TACR1: variants seen among roughly 807,000 people sequenced by gnomAD.
The protein encoded by TACR1 is tachykinin receptor 1.
TACR1 carries 25 observed loss-of-function variants against 35.8 expected under a neutral mutation model. That is an observed-to-expected ratio of 0.70 (90% CI 0.51 to 0.98). The LOEUF is 0.98. Among genes scored for constraint, TACR1 ranks in the 50% least tolerant of loss-of-function variants. The pLI, the probability that TACR1 is intolerant of heterozygous loss-of-function variation, is 0.00. For synonymous variants in TACR1, 195 were observed against 206.7 expected (o/e 0.94, Z 0.48); for missense variants, 478 against 522.9 (o/e 0.91, Z 0.84).
intron 2 of TACR1, among the ~76,000 whole-genome samples, chr2:75,083,376 T>C (rs1481005106): frequency 6.6e-6 from 1 of 152,204 alleles, no homozygotes; most frequent in Non-Finnish European, 1.5e-5. Flanking sequence ...TCCAGCTTTG[T>C]TCTTTTGGCT....
At chr2:75,182,935 T>C (rs913122537) in intron 1 of TACR1, among the ~76,000 whole-genome samples, 8 of 152,342 alleles carry the variant, frequency 5.3e-5, no homozygotes, top group African/African-American at 1.4e-4. Flanking sequence ...AATTATACAA[T>C]GATGTGAATA....
At position 75,191,157 on chromosome 2, in the gene TACR1, T is replaced by C. The variant is rs76906782; in HGVS notation, c.389+7389A>G. 5.8e-3 allele frequency among the ~76,000 whole-genome samples: 884 copies of C among 152,302 alleles called. 15 individuals carry two copies. The highest frequency in any genetic ancestry group is 0.018 in the African/African-American group (764 of 41,562). ...TCAAGGTGGCAAGAGAGAAGTTTGG[T>C]GCAATGTAAGCCAGTTCCCCAGTCA... On this transcript the variant is annotated intron_variant, in intron 1 of 4. Transcript: ENST00000305249.
intron 1 of TACR1, among the ~76,000 whole-genome samples, chr2:75,135,021 T>C (rs1194958605): frequency 6.6e-6 from 1 of 152,090 alleles, no homozygotes; most frequent in Non-Finnish European, 1.5e-5. Flanking sequence ...AAGAGAGAAA[T>C]AGGCTCTCCA....
At chr2:75,094,382 C>T (rs971944858) in intron 2 of TACR1, among the ~76,000 whole-genome samples, 3 of 152,116 alleles carry the variant, frequency 2.0e-5, no homozygotes, top group East Asian at 1.9e-4. Flanking sequence ...TTTCCAGGCG[C>T]CATGAAATTG....
At chr2:75,151,743 A>G (rs1033750924) in intron 1 of TACR1, among the ~76,000 whole-genome samples, 1 of 152,114 alleles carries the variant, frequency 6.6e-6, no homozygotes, top group Non-Finnish European at 1.5e-5. Context: ...CCAGAATAGC[A>G]GATGCACCAA....
intron 1 of TACR1, among the ~76,000 whole-genome samples, chr2:75,192,667 C>G (rs571606605): frequency 3.9e-5 from 6 of 152,220 alleles, no homozygotes; most frequent in Non-Finnish European, 8.8e-5. Flanking sequence ...AGCATGTAGG[C>G]AGATGTCTAA....
chr2:75,073,492 A>G (rs903942471), intron 2 of TACR1, among the ~76,000 whole-genome samples: 1 of 152,212 alleles, frequency 6.6e-6, no homozygotes, highest in Admixed American at 6.5e-5. Context: ...AGGTAAGGAA[A>G]GGCAGCAACT....
At chr2:75,183,059 T>A (rs1043900726) in intron 1 of TACR1, among the ~76,000 whole-genome samples, 4 of 152,198 alleles carry the variant, frequency 2.6e-5, no homozygotes, top group African/African-American at 9.7e-5. Context: ...CAGGTATATA[T>A]GATGTAGGAG....
chr2:75,175,393 G>T (rs1222093810), intron 1 of TACR1, among the ~76,000 whole-genome samples: 3 of 152,162 alleles, frequency 2.0e-5, no homozygotes, highest in African/African-American at 7.2e-5. Context: ...AAAGTGAATA[G>T]TTCCTATTGC....
chr2:75,074,584 A>G (rs959499161), intron 2 of TACR1, among the ~76,000 whole-genome samples: 3 of 152,318 alleles, frequency 2.0e-5, no homozygotes, highest in African/African-American at 7.2e-5. Context: ...AGTGAGGAAT[A>G]CACTATAATA....
At chr2:75,176,543 G>C (rs933839019) in intron 1 of TACR1, among the ~76,000 whole-genome samples, 4 of 151,924 alleles carry the variant, frequency 2.6e-5, no homozygotes, top group Admixed American at 6.6e-5. Context: ...AGTTCTGGTG[G>C]CATTCCACTC....
At chr2:75,078,666 C>T (rs117295243) in intron 2 of TACR1, among the ~76,000 whole-genome samples, 6 of 152,246 alleles carry the variant, frequency 3.9e-5, no homozygotes, top group East Asian at 1.9e-4. Flanking sequence ...AGAACAAACA[C>T]GAAACTGTGC....
intron 1 of TACR1, among the ~76,000 whole-genome samples, chr2:75,124,001 G>A (rs1409933444): frequency 2.6e-5 from 4 of 152,172 alleles, no homozygotes; most frequent in African/African-American, 7.2e-5. Context: ...TGACTGCACC[G>A]TGCTCGTGGG....
chr2:75,140,822 G>T (rs1027334350), intron 1 of TACR1, among the ~76,000 whole-genome samples: 5 of 152,170 alleles, frequency 3.3e-5, no homozygotes, highest in African/African-American at 1.2e-4. Context: ...TATCACTTGA[G>T]ATGTCTCTTT....
intron 1 of TACR1, among the ~76,000 whole-genome samples, chr2:75,148,122 A>G (rs1336950168): frequency 6.6e-6 from 1 of 152,100 alleles, no homozygotes; most frequent in Non-Finnish European, 1.5e-5. Flanking sequence ...GTTATCATTG[A>G]TGGGCATTTG....
At chr2:75,082,265 G>C (rs1485614268) in intron 2 of TACR1, among the ~76,000 whole-genome samples, 1 of 152,044 alleles carries the variant, frequency 6.6e-6, no homozygotes, top group Admixed American at 6.5e-5. Context: ...CTTTTTTATG[G>C]CTGCATAGTA....
chr2:75,125,506 C>G (rs545305329), intron 1 of TACR1, among the ~76,000 whole-genome samples: 24 of 152,204 alleles, frequency 1.6e-4, no homozygotes, highest in Non-Finnish European at 2.6e-4. Flanking sequence ...AATTGCATAT[C>G]CTTCTTTTCT....
chr2:75,114,690 A>G (rs1412833346), intron 2 of TACR1, among the ~76,000 whole-genome samples: 1 of 152,236 alleles, frequency 6.6e-6, no homozygotes, highest in Admixed American at 6.5e-5. Flanking sequence ...CAATGGGAAG[A>G]GTCACCTTTG....
At chr2:75,171,575 G>C (rs1675284315) in intron 1 of TACR1, among the ~76,000 whole-genome samples, 1 of 152,198 alleles carries the variant, frequency 6.6e-6, no homozygotes, top group African/African-American at 2.4e-5. Context: ...GCCTGGAAAA[G>C]CCACAGACAA....
Sources: allele counts gnomAD v4.1 joint callset (sites outside exome capture counted in the v4.1 genomes callset), GRCh38; gene constraint gnomAD v4.1.1; transcripts MANE v1.5; gene names NCBI Gene and HGNC (gene_info 2026-07-23, HGNC 2026-07-21).